Variants in CES1 observed in about 807,000 individuals in gnomAD.
The protein encoded by CES1 is liver carboxylesterase 1.
A neutral mutation model predicts 53.0 loss-of-function variants in CES1; 50 were observed. That is an observed-to-expected ratio of 0.94 (90% confidence interval 0.75 to 1.19). CES1 has a LOEUF of 1.19. CES1 is among the 50% of genes most tolerant of loss of function. CES1 has a pLI of 0.00. For synonymous variants in CES1, 202 were observed against 210.1 expected, an observed-to-expected ratio of 0.96 and a Z score of 0.33; for missense variants, 534 against 538.0, an observed-to-expected ratio of 0.99 and a Z score of 0.07.
intron 5 of CES1, 127 bp from the exon 6 acceptor site, chr16:55,820,606 G>T: frequency 6.8e-6 from 10 of 1,477,170 alleles, no homozygotes; most frequent in Non-Finnish European, 7.5e-6. Context: ...GTAGTGGGCT[G>T]ACCCTCTGCC....
chr16:55,822,615 A>G (rs2032244368), intron 4 of CES1, among the ~76,000 whole-genome samples: 1 of 152,014 alleles, frequency 6.6e-6, no homozygotes, highest in Admixed American at 6.6e-5. Context: ...GGAGTGAGTG[A>G]TGCCTGTGGG....
At chr16:55,817,746 C>G (rs576440487) in intron 7 of CES1, among the ~76,000 whole-genome samples, 20 of 140,686 alleles carry the variant, frequency 1.4e-4, no homozygotes, top group African/African-American at 5.7e-4. Flanking sequence ...ATGTGTTTCT[C>G]TGTGTGTGTG....
At chr16:55,813,603 C>T (rs115621029) in intron 8 of CES1, among the ~76,000 whole-genome samples, 634 of 149,792 alleles carry the variant, frequency 4.2e-3, no homozygotes, top group African/African-American at 0.015. Context: ...TATGAATCGG[C>T]CAATTTCCTT....
chr16:55,820,895 G>C (rs1321945179), intron 5 of CES1, among the ~76,000 whole-genome samples: 1 of 152,144 alleles, frequency 6.6e-6, no homozygotes, highest in African/African-American at 2.4e-5. Context: ...CACCCCAGAG[G>C]AATTCCCAGC....
chr16:55,821,141 T>G (rs2032171298), intron 5 of CES1, among the ~76,000 whole-genome samples: 1 of 151,916 alleles, frequency 6.6e-6, no homozygotes, highest in South Asian at 2.1e-4. Flanking sequence ...AGGCTGCAAC[T>G]GGAGATTCAT....
chr16:55,831,754 A>G (rs1304705822), intron 1 of CES1, among the ~76,000 whole-genome samples: 2 of 151,384 alleles, frequency 1.3e-5, no homozygotes, highest in African/African-American at 4.8e-5. Flanking sequence ...TCAGGCTGCC[A>G]GAAGGAAGAC....
Position 55,819,393 on chromosome 16 carries a change from A to C in CES1, c.906+142T>G, listed in dbSNP as rs78311241. On this transcript the variant is annotated intron_variant, in intron 7 of 13. Transcript: ENST00000360526. ...TACATTTGTGGCATTTTACAATAAA[A>C]AAGGACAAATCAGATTCCCCATTCA... The C allele has an allele frequency of 5.0e-4, 361 of 726,442 alleles. 2 individuals carry two copies. The African/African-American group carries it at 6.0e-3, about 12-fold the overall frequency. 45.0% of individuals were successfully genotyped at this position (726,442 alleles called of 1,614,324 possible).
At position 55,828,704 on chromosome 16, in the gene CES1, G is replaced by T. The variant is rs371389402; in HGVS notation, c.260+63C>A. The T allele has an allele frequency of 2.3e-4, 372 of 1,597,712 alleles. No individual in the cohort carries two copies. The East Asian group carries it at 6.1e-3, about 26-fold the overall frequency. Reference sequence around the variant, plus strand: ...CAAAGGATCAGCCCGTCAGGGGACTGCCTTGACTCCTTCCTGCATCACTTT... The same window carrying T: ...CAAAGGATCAGCCCGTCAGGGGACTTCCTTGACTCCTTCCTGCATCACTTT... On this transcript the variant is annotated intron_variant, in intron 2 of 13. Coordinates refer to ENST00000360526, the MANE Select transcript of CES1 (RefSeq NM_001025195.2).
intron 7 of CES1, among the ~76,000 whole-genome samples, chr16:55,817,867 A>G (rs1351012198): frequency 4.6e-5 from 7 of 152,300 alleles, no homozygotes; most frequent in Non-Finnish European, 7.4e-5. Context: ...AGAATGTTCT[A>G]GGATCTTAGG....
chr16:55,812,961 T>C lies in CES1; in HGVS notation c.1028A>G (p.His343Arg). The change falls in exon 9 of 14, where the codon CAC becomes CGC. Residue 343 changes from histidine (H) to arginine (R), a missense_variant. Around this residue, in one of 5 missense-constraint regions of CES1, gnomAD observed 269 missense variants for 206.6 expected, o/e 1.30. Coordinates refer to ENST00000360526, the MANE Select transcript of CES1 (RefSeq NM_001025195.2). ...PEELQAERNFHTVPYMVGINK... is the reference protein window; with the variant it reads ...PEELQAERNFRTVPYMVGINK... ...AATTCCGACCATGTAGGGGACAGTG[T>C]GGAAATTCCTTTCAGCTTGAAGCTC... 1 of 1,614,058 alleles carries C rather than the reference T, an allele frequency of 6.2e-7. No individual in the cohort carries two copies. The highest frequency in any genetic ancestry group is 1.1e-5 in the South Asian group (1 of 91,078).
intron 1 of CES1, among the ~76,000 whole-genome samples, chr16:55,830,729 A>G (rs1328169770): frequency 1.5e-5 from 2 of 129,436 alleles, no homozygotes; most frequent in South Asian, 2.6e-4. Context: ...AGGAAAGGAA[A>G]GATGGAAGGA....
intron 9 of CES1, 28 bp from the exon 10 acceptor site, chr16:55,811,038 A>C (rs1218286369): frequency 6.4e-7 from 1 of 1,551,782 alleles, no homozygotes; most frequent in South Asian, 1.1e-5. Context: ...TTCAGCATTT[A>C]TGAATCATTG....
At chr16:55,822,577 C>T (rs746417281) in intron 4 of CES1, among the ~76,000 whole-genome samples, 1 of 152,000 alleles carries the variant, frequency 6.6e-6, no homozygotes, top group African/African-American at 2.4e-5. Context: ...AGTGGGGCAC[C>T]CTTTAGACAG....
rs28487980 is a variant in CES1, at chr16:55,819,930, G to C, written c.802-291C>G. On this transcript the variant is annotated intron_variant, in intron 6 of 13. Transcript: ENST00000360526. ...TGTCAAGAAATGTGAGGTGGAGCTGGGATAGAGAGCATGGAATCCTGAATT... is the reference window on the plus strand; with the variant it reads ...TGTCAAGAAATGTGAGGTGGAGCTGCGATAGAGAGCATGGAATCCTGAATT... 3.4e-3 allele frequency: 1,964 copies of C among 569,504 alleles called. 35 individuals are homozygous for C. The highest frequency in any genetic ancestry group is 0.034 in the African/African-American group (1,788 of 53,072). 35.3% of individuals were successfully genotyped at this position (569,504 alleles called of 1,614,324 possible).
At chr16:55,816,846 A>G (rs2031964367) in intron 8 of CES1, 78 bp downstream of exon 8, 4 of 1,487,418 alleles carry the variant, frequency 2.7e-6, no homozygotes, top group Non-Finnish European at 3.8e-6. Flanking sequence ...CCAAGAGATG[A>G]TTCTTTCACT....
chr16:55,811,450 C>T (rs183200756), intron 9 of CES1, among the ~76,000 whole-genome samples: 70 of 152,260 alleles, frequency 4.6e-4, no homozygotes, highest in African/African-American at 1.5e-3. Flanking sequence ...ATCCTGTCTT[C>T]GTGGCTTTGG....
intron 8 of CES1, among the ~76,000 whole-genome samples, chr16:55,816,528 G>A (rs1476227562): frequency 6.6e-6 from 1 of 152,222 alleles, no homozygotes; most frequent in Admixed American, 6.5e-5. Context: ...GAGGAGACGA[G>A]TGTCCTTGGA....
intron 11 of CES1, among the ~76,000 whole-genome samples, chr16:55,809,307 G>A (rs1207472419): frequency 1.3e-5 from 2 of 152,200 alleles, no homozygotes; most frequent in African/African-American, 4.8e-5. Context: ...GAAGAAATGA[G>A]GGTTATGAGC....
intron 10 of CES1, 66 bp downstream of exon 10, chr16:55,810,861 A>C: frequency 6.7e-7 from 1 of 1,481,542 alleles, no homozygotes; most frequent in Non-Finnish European, 9.4e-7. Flanking sequence ...TAATTGCTCT[A>C]TGATTTGGGC....
Sources: gnomAD v4.1 joint callset for allele counts (sites outside exome capture counted in the v4.1 genomes callset) on GRCh38, gnomAD v4.1.1 for gene constraint, gnomAD v4.1.1 regional missense constraint, MANE v1.5 for transcripts, NCBI Gene and HGNC (gene_info 2026-07-23, HGNC 2026-07-21) for gene names.